The following MYO1D variants were observed in gnomAD, a reference collection of about 807,000 sequenced individuals.
MYO1D encodes unconventional myosin-Id.
A neutral mutation model predicts 122.0 loss-of-function variants in MYO1D; 83 were observed. The observed-to-expected ratio is 0.68, with a 90% CI of 0.57 to 0.82. The LOEUF is 0.82. Ranked by LOEUF, MYO1D falls within the 40% of genes least tolerant of loss-of-function variation. MYO1D has a pLI of 0.00. For missense variants in MYO1D, 1,157 were observed against 1,269.5 expected, an observed-to-expected ratio of 0.91 and a Z score of 1.35; for synonymous variants, 464 against 446.9, an observed-to-expected ratio of 1.04 and a Z score of -0.48.
intron 14 of MYO1D, among the ~76,000 whole-genome samples, chr17:32,735,081 A>AACACACACACACAC (rs371150333): frequency 7.2e-5 from 10 of 138,104 alleles, no homozygotes; most frequent in African/African-American, 1.1e-4. Flanking sequence ...ATTCCATCTG[A>AACACACACACACAC]ACACACACAC....
chr17:32,773,123 C>G (rs2090135546), intron 4 of MYO1D, among the ~76,000 whole-genome samples: 1 of 152,242 alleles, frequency 6.6e-6, no homozygotes, highest in Non-Finnish European at 1.5e-5. Context: ...CTTACGACCT[C>G]AAGTCCTCAG....
chr17:32,594,846 CTTA>C (rs563994514), intron 21 of MYO1D, among the ~76,000 whole-genome samples: 62 of 152,272 alleles, frequency 4.1e-4, no homozygotes, highest in African/African-American at 1.5e-3. Flanking sequence ...AAGTCTTCTA[CTTA>C]TTATGAAACT....
At chr17:32,875,818 G>A (rs1019644406) in intron 1 of MYO1D, among the ~76,000 whole-genome samples, 11 of 152,182 alleles carry the variant, frequency 7.2e-5, no homozygotes, top group African/African-American at 2.2e-4. Flanking sequence ...AACCTTAGAA[G>A]AAATGCAGCC....
rs541725721 is a variant in MYO1D, at chr17:32,722,570, C to T, written c.1747-1381G>A. On this transcript the variant is annotated intron_variant, in intron 14 of 21. Transcript: ENST00000318217. ...CTTCCCTCCTTCCCACTGAAGGACT[C>T]GTGATAGCACTGGGCTCACTTGGGT... is the stretch of plus-strand genomic sequence containing the variant. 4.3e-4 allele frequency among the ~76,000 whole-genome samples: 65 copies of T among 152,222 alleles called. No homozygotes were observed. In the South Asian group the frequency reaches 0.013, roughly 30 times the overall value.
intron 14 of MYO1D, among the ~76,000 whole-genome samples, chr17:32,736,435 A>G (rs1761253791): frequency 6.6e-6 from 1 of 152,132 alleles, no homozygotes; most frequent in African/African-American, 2.4e-5. Context: ...ATCATGGACC[A>G]GGAGGTTGGG....
rs2090720894 is a variant in MYO1D at position 32,826,162 on chromosome 17, T to G, written c.96-45378A>C. Reference sequence around the variant, plus strand: ...GTATTTTAGAGATCTTGATGATACATTCTCCCTTCCTCTCCAACTATTGGT... The same window carrying G: ...GTATTTTAGAGATCTTGATGATACAGTCTCCCTTCCTCTCCAACTATTGGT... On this transcript the variant is annotated intron_variant, in intron 1 of 21. Coordinates refer to ENST00000318217, the MANE Select transcript of MYO1D (RefSeq NM_015194.3). Among the ~76,000 whole-genome samples, 3 of 152,052 alleles carry G rather than the reference T, an allele frequency of 2.0e-5. No individual in the cohort carries two copies. The South Asian group carries it at 6.2e-4, about 32-fold the overall frequency.
At position 32,587,393 on chromosome 17, in the gene MYO1D, T is replaced by C. The variant is rs193200100; in HGVS notation, c.2864+17694A>G. ...CAGGCGTGGTGGTGGGCACCTGTAA[T>C]CCCAGCTACTCGGGAGGCTGAGGCA... is the stretch of plus-strand genomic sequence containing the variant. On this transcript the variant is annotated intron_variant, in intron 21 of 21. Coordinates refer to ENST00000318217, the MANE Select transcript of MYO1D (RefSeq NM_015194.3). Among the ~76,000 whole-genome samples the C allele has an allele frequency of 5.1e-4, 78 of 151,728 alleles. 1 individual carries two copies. The highest frequency in any genetic ancestry group is 1.8e-3 in the African/African-American group (76 of 41,308).
intron 12 of MYO1D, 135 bp from the exon 13 acceptor site, chr17:32,745,420 G>C: frequency 1.6e-6 from 1 of 614,934 alleles, no homozygotes; most frequent in East Asian, 2.9e-5. Flanking sequence ...TGTTCATCTT[G>C]TTCTGTATTA....
At chr17:32,822,434 C>T (rs143954903) in intron 1 of MYO1D, among the ~76,000 whole-genome samples, 3,763 of 150,938 alleles carry the variant, frequency 0.025, 126 homozygotes, top group East Asian at 0.19. Flanking sequence ...TCGTCTTCCT[C>T]CCTCCCGGCC....
At chr17:32,862,802 C>A (rs540200354) in intron 1 of MYO1D, 2 of 152,220 alleles carry the variant, frequency 1.3e-5, no homozygotes, top group Non-Finnish European at 2.9e-5. Context: ...AGTCAGCTCA[C>A]ATTACAGTGA....
intron 1 of MYO1D, among the ~76,000 whole-genome samples, chr17:32,866,075 G>A (rs2091121878): frequency 6.6e-6 from 1 of 152,128 alleles, no homozygotes; most frequent in East Asian, 1.9e-4. Flanking sequence ...GAGTGCAGTG[G>A]CTATTCACAG....
At chr17:32,785,180 G>A (rs1021342875) in intron 1 of MYO1D, among the ~76,000 whole-genome samples, 2 of 152,128 alleles carry the variant, frequency 1.3e-5, no homozygotes, top group Non-Finnish European at 2.9e-5. Flanking sequence ...AAGAGAAAAA[G>A]GAATTTATTT....
chr17:32,790,942 A>C (rs1303666549), intron 1 of MYO1D, among the ~76,000 whole-genome samples: 3 of 152,222 alleles, frequency 2.0e-5, no homozygotes, highest in African/African-American at 7.2e-5. Flanking sequence ...TGGAACAGGG[A>C]AAGTACAAAA....
At chr17:32,741,383 A>G (rs1261093757) in intron 13 of MYO1D, among the ~76,000 whole-genome samples, 1 of 139,618 alleles carries the variant, frequency 7.2e-6, no homozygotes, top group African/African-American at 2.8e-5. Context: ...GGTTTTATCC[A>G]AAAAAAAAAA....
chr17:32,675,682 G>T (rs2088796834), intron 16 of MYO1D, among the ~76,000 whole-genome samples: 1 of 151,762 alleles, frequency 6.6e-6, no homozygotes, highest in African/African-American at 2.4e-5. Context: ...CATTTTCTTT[G>T]GGTTTCTATT....
At position 32,580,619 on chromosome 17, in the gene MYO1D, C is replaced by T. The variant is rs1223430875; in HGVS notation, c.2864+24468G>A. On this transcript the variant is annotated intron_variant, in intron 21 of 21. Coordinates refer to ENST00000318217, the MANE Select transcript of MYO1D (RefSeq NM_015194.3). ...AGAGACGGGATTTCACCATATTGGC[C>T]AGGCTGGTCTCGAACTCCTGACCTC... Among the ~76,000 whole-genome samples, 7 of 151,930 alleles carry T rather than the reference C, an allele frequency of 4.6e-5. No homozygotes were observed. In the East Asian group the frequency reaches 1.4e-3, roughly 29 times the overall value.
At chr17:32,774,889 C>A (rs148084266) in intron 4 of MYO1D, among the ~76,000 whole-genome samples, 97 of 152,290 alleles carry the variant, frequency 6.4e-4, no homozygotes, top group Non-Finnish European at 6.8e-4. Flanking sequence ...GAAAACCTGT[C>A]GGCTTAGATC....
intron 20 of MYO1D, among the ~76,000 whole-genome samples, chr17:32,634,822 T>G (rs1368705065): frequency 6.6e-6 from 1 of 152,144 alleles, no homozygotes; most frequent in Admixed American, 6.5e-5. Flanking sequence ...CTGGCCTATC[T>G]GAAGCACTTC....
intron 14 of MYO1D, among the ~76,000 whole-genome samples, chr17:32,726,292 C>T (rs1336738189): frequency 6.6e-6 from 1 of 151,888 alleles, no homozygotes; most frequent in Non-Finnish European, 1.5e-5. Flanking sequence ...TGGTGGCGTG[C>T]ACCTGTAGTC....
Sources: allele counts gnomAD v4.1 joint callset (sites outside exome capture counted in the v4.1 genomes callset), GRCh38; gene constraint gnomAD v4.1.1; transcripts MANE v1.5; gene names NCBI Gene and HGNC (gene_info 2026-07-23, HGNC 2026-07-21).